Variants in MITF observed in about 807,000 individuals in gnomAD.
MITF encodes the protein melanocyte inducing transcription factor, also known as microphthalmia-associated transcription factor.
Under a neutral mutation model 60.5 loss-of-function variants are expected in MITF, and 17 were observed. That is an observed-to-expected ratio of 0.28 (90% CI 0.19 to 0.42). MITF has a LOEUF of 0.42. Among genes scored for constraint, MITF ranks in the 10% least tolerant of loss-of-function variants. The probability of loss-of-function intolerance (pLI) is 1.00; values close to 1 mark genes in which losing one functional copy is unlikely to be tolerated. For missense variants in MITF, 622 were observed against 683.5 expected, an observed-to-expected ratio of 0.91 and a Z score of 1.00; for synonymous variants, 260 against 248.5, an observed-to-expected ratio of 1.05 and a Z score of -0.43.
At chr3:69,902,680 A>C (rs925790017) in intron 2 of MITF, among the ~76,000 whole-genome samples, 2 of 152,200 alleles carry the variant, frequency 1.3e-5, no homozygotes, top group Non-Finnish European at 2.9e-5. Context: ...GACAAAAAAT[A>C]CTACTTTTAA....
chr3:69,883,483 T>C (rs2064535444), intron 2 of MITF, among the ~76,000 whole-genome samples: 1 of 152,202 alleles, frequency 6.6e-6, no homozygotes, highest in South Asian at 2.1e-4. Flanking sequence ...TCTTTCTCTG[T>C]AAATTATGAA....
At chr3:69,824,638 A>C (rs1230420330) in intron 1 of MITF, among the ~76,000 whole-genome samples, 1 of 152,104 alleles carries the variant, frequency 6.6e-6, no homozygotes, top group Non-Finnish European at 1.5e-5. Flanking sequence ...AGCACCGGAG[A>C]CATCTCCAGG....
intron 2 of MITF, among the ~76,000 whole-genome samples, chr3:69,879,741 C>A (rs2064441027): frequency 6.6e-6 from 1 of 152,080 alleles, no homozygotes; most frequent in Non-Finnish European, 1.5e-5. Flanking sequence ...TCTTAAATAC[C>A]TTCCATAGCC....
intron 1 of MITF, among the ~76,000 whole-genome samples, chr3:69,814,154 G>C (rs2063144303): frequency 6.6e-6 from 1 of 151,598 alleles, no homozygotes; most frequent in Non-Finnish European, 1.5e-5. Context: ...CTCTGCCACT[G>C]CGGTATTCTC....
At chr3:69,822,442 A>C (rs761837029) in intron 1 of MITF, among the ~76,000 whole-genome samples, 6 of 152,174 alleles carry the variant, frequency 3.9e-5, no homozygotes, top group Non-Finnish European at 8.8e-5. Context: ...ATATTTCTGG[A>C]GTATTTATTC....
chr3:69,921,342 C>T (rs776661832), intron 2 of MITF, among the ~76,000 whole-genome samples: 8 of 152,198 alleles, frequency 5.3e-5, no homozygotes, highest in Non-Finnish European at 1.0e-4. Context: ...GTGACACTCT[C>T]AGATATCAAT....
At chr3:69,908,437 G>C (rs1037125532) in intron 2 of MITF, among the ~76,000 whole-genome samples, 1 of 151,876 alleles carries the variant, frequency 6.6e-6, no homozygotes, top group Non-Finnish European at 1.5e-5. Context: ...TTGTACACCA[G>C]CCCCATTTTT....
At chr3:69,846,543 A>C (rs958824236) in intron 1 of MITF, among the ~76,000 whole-genome samples, 1 of 152,174 alleles carries the variant, frequency 6.6e-6, no homozygotes, top group Non-Finnish European at 1.5e-5. Flanking sequence ...GGCCAGCCGC[A>C]GTGGCTCATG....
intron 5 of MITF, among the ~76,000 whole-genome samples, chr3:69,944,919 A>C (rs1398849282): frequency 2.6e-5 from 4 of 152,106 alleles, no homozygotes; most frequent in African/African-American, 9.7e-5. Flanking sequence ...GTAAAGTTTA[A>C]TGTTCTTCGT....
At chr3:69,916,024 A>G (rs2065326152) in intron 2 of MITF, among the ~76,000 whole-genome samples, 1 of 152,242 alleles carries the variant, frequency 6.6e-6, no homozygotes, top group Non-Finnish European at 1.5e-5. Flanking sequence ...TATTACAATA[A>G]TTATGCTAGA....
At chr3:69,806,506 T>A (rs2063010888) in intron 1 of MITF, among the ~76,000 whole-genome samples, 1 of 151,944 alleles carries the variant, frequency 6.6e-6, no homozygotes, top group Admixed American at 6.6e-5. Context: ...ATAAAGGTCC[T>A]TTCCCCAGAA....
intron 2 of MITF, among the ~76,000 whole-genome samples, chr3:69,888,458 T>C (rs1473407746): frequency 6.6e-6 from 1 of 151,764 alleles, no homozygotes; most frequent in Non-Finnish European, 1.5e-5. Flanking sequence ...TGAGTACTTC[T>C]GGCTGTGGAG....
chr3:69,832,283 T>A (rs1369153544), intron 1 of MITF, among the ~76,000 whole-genome samples: 3 of 152,118 alleles, frequency 2.0e-5, no homozygotes, highest in Admixed American at 1.3e-4. Flanking sequence ...TCTTTCTCTA[T>A]CTCAAGGGAA....
In MITF at chr3:69,778,224, C is replaced by T. The variant is rs1041421705; in HGVS notation, c.104+38523C>T. 4.6e-5 allele frequency among the ~76,000 whole-genome samples: 7 copies of T among 152,202 alleles called. 1 individual carries two copies. The South Asian group carries it at 1.5e-3, about 32-fold the overall frequency. ...TGGTGCTGTTCATGGAGATGAGGCT[C>T]TTGGTAGACAAAACAGATTGGGGAG... On this transcript the variant is annotated intron_variant, in intron 1 of 9. Coordinates refer to ENST00000352241, the MANE Select transcript of MITF (RefSeq NM_001354604.2).
intron 7 of MITF, among the ~76,000 whole-genome samples, chr3:69,954,771 A>G (rs1379335876): frequency 6.6e-6 from 1 of 152,216 alleles, no homozygotes; most frequent in African/African-American, 2.4e-5. Context: ...TACAAGCCTA[A>G]TGGTAGGACT....
At chr3:69,858,468 A>G (rs2063957423) in intron 1 of MITF, among the ~76,000 whole-genome samples, 1 of 152,158 alleles carries the variant, frequency 6.6e-6, no homozygotes, top group South Asian at 2.1e-4. Context: ...TTTAGCATAA[A>G]GAGGTTTGAT....
At chr3:69,804,170 A>G (rs2106962574) in intron 1 of MITF, among the ~76,000 whole-genome samples, 1 of 152,356 alleles carries the variant, frequency 6.6e-6, no homozygotes, top group East Asian at 1.9e-4. Context: ...ATCTTTCTGA[A>G]GTACTAAAAA....
intron 1 of MITF, among the ~76,000 whole-genome samples, chr3:69,785,543 A>G (rs2062634668): frequency 6.6e-6 from 1 of 152,210 alleles, no homozygotes; most frequent in Non-Finnish European, 1.5e-5. Context: ...TCTTTGACAG[A>G]AATGCACGTT....
intron 1 of MITF, among the ~76,000 whole-genome samples, chr3:69,746,499 A>T (rs1703732283): frequency 6.6e-6 from 1 of 151,996 alleles, no homozygotes. Flanking sequence ...AATAAGTGAG[A>T]GTTTCATTTT....
Sources: gnomAD v4.1 joint callset for allele counts (sites outside exome capture counted in the v4.1 genomes callset) on GRCh38, gnomAD v4.1.1 for gene constraint, MANE v1.5 for transcripts, NCBI Gene and HGNC (gene_info 2026-07-23, HGNC 2026-07-21) for gene names.